Variants in LBP observed in about 807,000 individuals in gnomAD.
LBP encodes lipopolysaccharide-binding protein.
In LBP, 53 loss-of-function variants were observed where a neutral mutation model predicts 56.6. The observed-to-expected ratio is 0.94, with a 90% CI of 0.75 to 1.18. The LOEUF is 1.18. LBP is among the 50% of genes most tolerant of loss of function. The pLI is 0.00. For missense variants in LBP, 601 were observed against 598.3 expected, an observed-to-expected ratio of 1.00 and a Z score of -0.05; for synonymous variants, 227 against 247.5, an observed-to-expected ratio of 0.92 and a Z score of 0.78.
intron 10 of LBP, 119 bp from the exon 11 acceptor site, chr20:38,370,619 T>C: frequency 1.1e-6 from 1 of 871,370 alleles, no homozygotes; most frequent in South Asian, 1.5e-5. Flanking sequence ...GTGGGCAAAT[T>C]TCCTGCTTTA....
At position 38,355,335 on chromosome 20, in the gene LBP, T is replaced by G. The variant is rs1231601724; in HGVS notation, c.525-11T>G. ...CCCAAGTTCAGTGGCAGACTGTGCT[T>G]CTCTCCCCAGGTGGCTGTTGAACCT... On this transcript the variant is annotated splice_polypyrimidine_tract_variant and intron_variant, in intron 4 of 14. Coordinates refer to ENST00000217407, the MANE Select transcript of LBP (RefSeq NM_004139.5). The G allele has an allele frequency of 6.2e-7, 1 of 1,613,508 alleles. No individual in the cohort carries two copies. The highest frequency in any genetic ancestry group is 1.1e-5 in the South Asian group (1 of 91,074).
chr20:38,371,398 CTAT>C, intron 12 of LBP, 76 bp downstream of exon 12: 1 of 1,084,040 alleles, frequency 9.2e-7, no homozygotes, highest in Non-Finnish European at 1.4e-6. Context: ...GCTATGGCAC[CTAT>C]AATAGGAAAT....
In LBP at chr20:38,350,795, A is replaced by C. The variant is rs2076817690; in HGVS notation, c.240-16A>C. 1 of 1,595,676 alleles carries C rather than the reference A, an allele frequency of 6.3e-7. No homozygotes were observed. Among genetic ancestry groups the C allele is most frequent in the African/African-American group, 1.3e-5 (1 of 74,612 alleles). Reference sequence around the variant, plus strand: ...AGGCCCAGGGCTGACACCTCCTTCCATGTCTCTCCCTTCAGCCTGAACATC... The same window carrying C: ...AGGCCCAGGGCTGACACCTCCTTCCCTGTCTCTCCCTTCAGCCTGAACATC... On this transcript the variant is annotated splice_polypyrimidine_tract_variant and intron_variant, in intron 2 of 14. Transcript: ENST00000217407.
chr20:38,361,377 G>A lies in LBP; in HGVS notation c.652+610G>A, dbSNP rs8183330. 0.013 allele frequency among the ~76,000 whole-genome samples: 1,940 copies of A among 152,032 alleles called. 89 individuals are homozygous for A. In the East Asian group the frequency reaches 0.15, roughly 12 times the overall value. On this transcript the variant is annotated intron_variant, in intron 6 of 14. Coordinates refer to ENST00000217407, the MANE Select transcript of LBP (RefSeq NM_004139.5). ...TATATGTATTATTTTAAATATATAT[G>A]TTCATATACATATAGTATAGGCATT...
intron 8 of LBP, among the ~76,000 whole-genome samples, chr20:38,365,748 A>G (rs980464213): frequency 6.8e-6 from 1 of 146,228 alleles, no homozygotes; most frequent in Non-Finnish European, 1.5e-5. Context: ...ATATATATTT[A>G]TATGTGAATG....
In LBP at chr20:38,366,167, C is replaced by T. The variant is rs142525506; in HGVS notation, c.922-602C>T. ...GAGAAACAGTGTGGTTCGGCTCAGA[C>T]GGTCCAGCTTACCCTGGTATAAGTC... is the stretch of plus-strand genomic sequence containing the variant. On this transcript the variant is annotated intron_variant, in intron 8 of 14. Coordinates refer to ENST00000217407, the MANE Select transcript of LBP (RefSeq NM_004139.5). Among the ~76,000 whole-genome samples, 562 of 152,246 alleles carry T rather than the reference C, an allele frequency of 3.7e-3. 14 individuals are homozygous for T. The East Asian group carries it at 0.057, about 15-fold the overall frequency.
chr20:38,365,010 G>A (rs913253687), intron 8 of LBP, among the ~76,000 whole-genome samples: 6 of 152,088 alleles, frequency 3.9e-5, no homozygotes, highest in Non-Finnish European at 7.4e-5. Flanking sequence ...TGAGGCGGGC[G>A]GATCACTTGA....
At position 38,369,108 on chromosome 20, in the gene LBP, T is replaced by C. The variant is rs2076892584; in HGVS notation, c.1095T>C (p.Asp365=). Residue 365 remains aspartate (D), a synonymous_variant, in exon 10 of 15, where the codon GAT becomes GAC. Coordinates refer to ENST00000217407, the MANE Select transcript of LBP (RefSeq NM_004139.5). ...CTGTGGACCCCTATATGGAGATAGATGCCTTTGTGCTCCTGCCCAGCTCCA... is the reference window on the plus strand; with the variant it reads ...CTGTGGACCCCTATATGGAGATAGACGCCTTTGTGCTCCTGCCCAGCTCCA... ...NLSVDPYMEI[D]AFVLLPSSSK... 6.2e-7 allele frequency: 1 copy of C among 1,614,218 alleles called. No homozygotes were observed. Among genetic ancestry groups the C allele is most frequent in the South Asian group, 1.1e-5 (1 of 91,088 alleles).
chr20:38,361,433 C>T (rs966276172), intron 6 of LBP, among the ~76,000 whole-genome samples: 3 of 151,986 alleles, frequency 2.0e-5, no homozygotes, highest in African/African-American at 7.3e-5. Context: ...GAGATGGGGT[C>T]TCACTCTGTG....
At chr20:38,350,775 C>T in intron 2 of LBP, 36 bp from the exon 3 acceptor site, 1 of 1,583,772 alleles carries the variant, frequency 6.3e-7, no homozygotes, top group Non-Finnish European at 8.6e-7. Flanking sequence ...GGTCCAGGCC[C>T]AGGGCTGACA....
intron 5 of LBP, among the ~76,000 whole-genome samples, chr20:38,359,217 T>G (rs961714193): frequency 2.6e-5 from 4 of 152,210 alleles, no homozygotes; most frequent in Non-Finnish European, 5.9e-5. Context: ...TTTTTCGTTT[T>G]TTTGGTTTTT....
intron 14 of LBP, among the ~76,000 whole-genome samples, chr20:38,375,399 G>A (rs2083952800): frequency 1.3e-5 from 2 of 151,738 alleles, no homozygotes; most frequent in Admixed American, 1.3e-4. Flanking sequence ...TGGCCAACAT[G>A]GTGAAACCCC....
At chr20:38,363,867 G>A (rs757700836) in intron 6 of LBP, 108 bp from the exon 7 acceptor site, 2 of 775,512 alleles carry the variant, frequency 2.6e-6, no homozygotes, top group African/African-American at 1.7e-5. Flanking sequence ...CTAGTAGGGG[G>A]ATTCTGAAGA....
intron 3 of LBP, among the ~76,000 whole-genome samples, chr20:38,351,688 G>T (rs1056807129): frequency 6.6e-6 from 1 of 152,124 alleles, no homozygotes; most frequent in African/African-American, 2.4e-5. Context: ...CTGCCCTTTG[G>T]CAATGTCCTC....
Position 38,369,053 on chromosome 20 carries a change from C to G in LBP, c.1040C>G (p.Pro347Arg). The change falls in exon 10 of 15, where the codon CCG becomes CGG. Residue 347 changes from proline (P) to arginine (R), a missense_variant. Coordinates refer to ENST00000217407, the MANE Select transcript of LBP (RefSeq NM_004139.5). ...CTCCAGGGATCAGTGCCCTCTGCTC[C>G]GCTCCTGAACTTCAGCCCTGGGAAT... ...LELQGSVPSA[P>R]LLNFSPGNLS... 13 of 1,614,118 alleles carry G rather than the reference C, an allele frequency of 8.1e-6. No individual in the cohort carries two copies. The highest frequency in any genetic ancestry group is 1.1e-5 in the Non-Finnish European group (13 of 1,180,010).
rs546777673 is a variant in LBP, at chr20:38,366,637, C to G, written c.922-132C>G. 9.7e-6 allele frequency: 8 copies of G among 827,602 alleles called. No individual in the cohort carries two copies. The East Asian group carries it at 1.5e-4, about 15-fold the overall frequency. The allele number at this position is 827,602 out of a possible 1,614,324, so 51.3% of individuals were successfully genotyped here. ...CCTTGGGTGAATGCAGGACAGGCAT[C>G]TCCTCCCTGCCAGGGTAACCCAGGC... On this transcript the variant is annotated intron_variant, in intron 8 of 14. Coordinates refer to ENST00000217407, the MANE Select transcript of LBP (RefSeq NM_004139.5).
At chr20:38,368,087 A>G (rs1011321341) in intron 9 of LBP, among the ~76,000 whole-genome samples, 1 of 151,990 alleles carries the variant, frequency 6.6e-6, no homozygotes, top group African/African-American at 2.4e-5. Context: ...GTGGAATATC[A>G]TATTAAAAGA....
At chr20:38,362,234 G>C (rs1329693823) in intron 6 of LBP, among the ~76,000 whole-genome samples, 1 of 149,428 alleles carries the variant, frequency 6.7e-6, no homozygotes, top group Admixed American at 6.7e-5. Context: ...AATTTTTTTT[G>C]TATTTTTAGT....
intron 5 of LBP, among the ~76,000 whole-genome samples, chr20:38,358,347 A>G (rs1023439968): frequency 6.6e-6 from 1 of 152,104 alleles, no homozygotes; most frequent in Non-Finnish European, 1.5e-5. Context: ...CCCCAGTCGC[A>G]TCCTCAGGAG....
Sources: allele counts gnomAD v4.1 joint callset (sites outside exome capture counted in the v4.1 genomes callset), GRCh38; gene constraint gnomAD v4.1.1; transcripts MANE v1.5; gene names NCBI Gene and HGNC (gene_info 2026-07-23, HGNC 2026-07-21).